The following AR variants were observed in gnomAD, a reference collection of about 807,000 sequenced individuals.
The protein encoded by AR is dihydrotestosterone receptor.
Under a neutral mutation model 53.9 loss-of-function variants are expected in AR, and 8 were observed. The observed-to-expected ratio is 0.15, with a 90% CI of 0.09 to 0.27. The LOEUF (loss-of-function observed/expected upper bound fraction) is 0.27, where lower values mean the gene tolerates loss of function less well. AR is among the 10% of genes least tolerant of loss of function. AR has a pLI of 1.00. For synonymous variants in AR, 359 were observed against 316.4 expected, an observed-to-expected ratio of 1.13 and a Z score of -1.43; for missense variants, 639 against 742.5, an observed-to-expected ratio of 0.86 and a Z score of 1.62.
At chrX:67,589,451 T>A (rs1922725021) in intron 1 of AR, among the ~76,000 whole-genome samples, 1 of 111,904 alleles carries the variant, frequency 8.9e-6, no homozygotes, top group Admixed American at 9.5e-5. Flanking sequence ...AACTTTCCTC[T>A]CCCAGGCCTT....
intron 1 of AR, among the ~76,000 whole-genome samples, chrX:67,629,760 C>A (rs1924956444): frequency 1.8e-5 from 2 of 109,879 alleles, no homozygotes; most frequent in South Asian, 8.0e-4. Context: ...TTCCTGCTTT[C>A]TCTTGCGGGC....
chrX:67,634,168 A>G (rs1404630326), intron 1 of AR, among the ~76,000 whole-genome samples: 1 of 111,502 alleles, frequency 9.0e-6, no homozygotes, highest in African/African-American at 3.3e-5. Flanking sequence ...CCCAAGTATA[A>G]TTCTGGTTTT....
At chrX:67,603,952 C>T (rs1477121980) in intron 1 of AR, among the ~76,000 whole-genome samples, 1 of 110,690 alleles carries the variant, frequency 9.0e-6, no homozygotes, top group African/African-American at 3.3e-5. Context: ...GGAGGTAAAG[C>T]CCAATAGCTT....
At chrX:67,693,913 GAGGGACATTTC>G (rs1483697438) in intron 3 of AR, among the ~76,000 whole-genome samples, 1 of 111,820 alleles carries the variant, frequency 8.9e-6, no homozygotes, top group African/African-American at 3.3e-5. Flanking sequence ...ATTGATTGTT[GAGGGACATTTC>G]AGCCCTCTAG....
intron 2 of AR, among the ~76,000 whole-genome samples, chrX:67,682,818 C>T (rs2075943634): frequency 1.8e-5 from 2 of 111,676 alleles, no homozygotes; most frequent in Admixed American, 9.5e-5. Context: ...CTGTTCCATC[C>T]CCTATCTTTG....
intron 3 of AR, among the ~76,000 whole-genome samples, chrX:67,709,348 C>G (rs974024162): frequency 2.4e-4 from 27 of 112,018 alleles, no homozygotes; most frequent in African/African-American, 8.4e-4. Context: ...GGCGGGTGCC[C>G]CTCCCCCAGC....
chrX:67,546,880 G>T, intron 1 of AR, 118 bp downstream of exon 1: 1 of 874,871 alleles, frequency 1.1e-6, no homozygotes, highest in East Asian at 3.5e-5. Context: ...GGAGAGCTCA[G>T]CAGGGTAAAC....
chrX:67,685,132 C>T (rs1226065346), intron 2 of AR, among the ~76,000 whole-genome samples: 1 of 111,668 alleles, frequency 9.0e-6, no homozygotes, highest in Non-Finnish European at 1.9e-5. Context: ...GTATTTTTGC[C>T]TATTCCTGCT....
At chrX:67,593,543 G>T (rs981527703) in intron 1 of AR, among the ~76,000 whole-genome samples, 1 of 109,888 alleles carries the variant, frequency 9.1e-6, no homozygotes, top group Non-Finnish European at 1.9e-5. Context: ...GTAGAGTCGG[G>T]GTTTCGCCAT....
Position 67,635,264 on chromosome X carries a change from T to C in AR, c.1617-7992T>C, listed in dbSNP as rs968454408. ...AATTGTAATTCTCACAAAAGCCGTCTAGAGTTGAAAATATTTCCAACTCTA... is the reference window on the plus strand; with the variant it reads ...AATTGTAATTCTCACAAAAGCCGTCCAGAGTTGAAAATATTTCCAACTCTA... On this transcript the variant is annotated intron_variant, in intron 1 of 7. Coordinates refer to ENST00000374690, the MANE Select transcript of AR (RefSeq NM_000044.6). 6.3e-5 allele frequency among the ~76,000 whole-genome samples: 7 copies of C among 111,484 alleles called. No individual in the cohort carries two copies. The Admixed American group carries it at 6.7e-4, about 11-fold the overall frequency.
At position 67,650,811 on chromosome X, in the gene AR, A is replaced by G. The variant is rs141174866; in HGVS notation, c.1768+7404A>G. On this transcript the variant is annotated intron_variant, in intron 2 of 7. Coordinates refer to ENST00000374690, the MANE Select transcript of AR (RefSeq NM_000044.6). ...TAGAATTCTCAGTCCCTTTGCTCCC[A>G]GGCTGTGTTGTGACTACTGAGGCAC... Among the ~76,000 whole-genome samples the G allele has an allele frequency of 8.0e-3, 897 of 111,746 alleles. 7 individuals are homozygous for G. The highest frequency in any genetic ancestry group is 0.028 in the African/African-American group (854 of 30,728).
At chrX:67,574,335 G>C (rs1921952802) in intron 1 of AR, among the ~76,000 whole-genome samples, 1 of 111,337 alleles carries the variant, frequency 9.0e-6, no homozygotes, top group Non-Finnish European at 1.9e-5. Flanking sequence ...AACAGAGGCA[G>C]CAACCATTTA....
chrX:67,594,477 A>T (rs1922989384), intron 1 of AR, among the ~76,000 whole-genome samples: 1 of 112,620 alleles, frequency 8.9e-6, no homozygotes, highest in African/African-American at 3.2e-5. Flanking sequence ...CAAAGCAAGC[A>T]TATGTAGATT....
chrX:67,632,854 A>C (rs1480849683), intron 1 of AR, among the ~76,000 whole-genome samples: 1 of 112,353 alleles, frequency 8.9e-6, no homozygotes, highest in Non-Finnish European at 1.9e-5. Flanking sequence ...ACCCAATTTT[A>C]AAATGGGCAA....
At chrX:67,577,370 T>C in intron 1 of AR, among the ~76,000 whole-genome samples, 1 of 111,686 alleles carries the variant, frequency 9.0e-6, no homozygotes, top group Non-Finnish European at 1.9e-5. Context: ...TTTCCAATCA[T>C]CAGTTGATGG....
rs761902959 is a variant in AR, at chrX:67,644,611, A to C, written c.1768+1204A>C. ...CATCTAGAGAAAAGGTAGAAAGAGA[A>C]TGCCCTTTAACTGACCTCCTCAGTG... On this transcript the variant is annotated intron_variant, in intron 2 of 7. Coordinates refer to ENST00000374690, the MANE Select transcript of AR (RefSeq NM_000044.6). Among the ~76,000 whole-genome samples, 20 of 112,140 alleles carry C rather than the reference A, an allele frequency of 1.8e-4. No individual in the cohort carries two copies. The South Asian group carries it at 6.0e-3, about 33-fold the overall frequency.
At chrX:67,647,424 TCAA>T (rs1181627061) in intron 2 of AR, among the ~76,000 whole-genome samples, 1 of 112,048 alleles carries the variant, frequency 8.9e-6, no homozygotes, top group Non-Finnish European at 1.9e-5. Context: ...CTTTCCCACC[TCAA>T]CTCATGTGGA....
chrX:67,674,713 C>A (rs1203163679), intron 2 of AR, among the ~76,000 whole-genome samples: 1 of 111,270 alleles, frequency 9.0e-6, no homozygotes, highest in Non-Finnish European at 1.9e-5. Context: ...TCCTCTCTGG[C>A]CCAGGGCAGG....
At chrX:67,679,164 G>A (rs1346897152) in intron 2 of AR, among the ~76,000 whole-genome samples, 1 of 111,106 alleles carries the variant, frequency 9.0e-6, no homozygotes, top group African/African-American at 3.3e-5. Flanking sequence ...ATTATTATTT[G>A]TCAATTTAGA....
Sources: gnomAD v4.1 joint callset for allele counts (sites outside exome capture counted in the v4.1 genomes callset) on GRCh38, gnomAD v4.1.1 for gene constraint, MANE v1.5 for transcripts, NCBI Gene and HGNC (gene_info 2026-07-23, HGNC 2026-07-21) for gene names.